MAK16: variants seen among roughly 807,000 people sequenced by gnomAD.
MAK16 encodes the protein MAK16 homolog, also known as protein MAK16 homolog.
Under a neutral mutation model 49.9 loss-of-function variants are expected in MAK16, and 12 were observed. The observed-to-expected ratio is 0.24, with a 90% CI of 0.15 to 0.39. The LOEUF is 0.39. Ranked by LOEUF, MAK16 falls within the 10% of genes least tolerant of loss-of-function variation. MAK16 has a pLI of 1.00. For missense variants in MAK16, 292 were observed against 363.7 expected (o/e 0.80, Z 1.60); for synonymous variants, 115 against 126.4 (o/e 0.91, Z 0.60).
Position 33,499,093 on chromosome 8 carries a change from T to C in MAK16, c.*464T>C, listed in dbSNP as rs532959690. ...ACTTACAAAGTTTCGTGTAAAAATA[T>C]CTTTTTTTCTTAAATAACTCCATTC... On this transcript the variant is annotated 3_prime_UTR_variant, in exon 10 of 10. Coordinates refer to ENST00000360128, the MANE Select transcript of MAK16 (RefSeq NM_032509.4). The C allele has an allele frequency of 4.1e-5, 50 of 1,211,884 alleles. No homozygotes were observed. In the African/African-American group the frequency reaches 6.4e-4, roughly 16 times the overall value. The allele number at this position is 1,211,884 out of a possible 1,614,324, so 75.1% of individuals were successfully genotyped here. A position where few individuals can be genotyped will look rare whatever the true frequency, so the allele number is the denominator to read the frequency against.
Position 33,500,643 on chromosome 8 carries a change from G to T in MAK16, c.*2014G>T. The stretch of plus-strand genomic sequence containing the variant: ...AAAAAGACCTAAAAACAGAACCAAA[G>T]ACAGCCTCTAGATTTCTTACCCTCA... On this transcript the variant is annotated 3_prime_UTR_variant, in exon 10 of 10. Coordinates refer to ENST00000360128, the MANE Select transcript of MAK16 (RefSeq NM_032509.4). 1.1e-6 allele frequency: 1 copy of T among 924,844 alleles called. No homozygotes were observed. The highest frequency in any genetic ancestry group is 1.6e-6 in the Non-Finnish European group (1 of 631,726). The allele number at this position is 924,844 out of a possible 1,614,324, so 57.3% of individuals were successfully genotyped here. A position where few individuals can be genotyped will look rare whatever the true frequency, so the allele number is the denominator to read the frequency against.
chr8:33,499,581 C>T lies in MAK16; in HGVS notation c.*952C>T, dbSNP rs1808988702. 7.1e-6 allele frequency: 2 copies of T among 280,672 alleles called. No individual in the cohort carries two copies. The highest frequency in any genetic ancestry group is 8.0e-5 in the East Asian group (1 of 12,566). 17.4% of individuals were successfully genotyped at this position (280,672 alleles called of 1,614,324 possible). ...AGTTGGATCTAGGGCTTGAAAACTG[C>T]CCAAGATTAAAGAGCTAAGATGAAA... is the stretch of plus-strand genomic sequence containing the variant. On this transcript the variant is annotated 3_prime_UTR_variant, in exon 10 of 10. Transcript: ENST00000360128.
rs1455004858 is a variant in MAK16 at position 33,489,248 on chromosome 8, T to C, written c.392+109T>C. 38 of 941,004 alleles carry C rather than the reference T, an allele frequency of 4.0e-5. No homozygotes were observed. The highest frequency in any genetic ancestry group is 5.7e-5 in the Non-Finnish European group (36 of 630,772). The allele number at this position is 941,004 out of a possible 1,614,324, so 58.3% of individuals were successfully genotyped here. On this transcript the variant is annotated intron_variant, in intron 5 of 9. Transcript: ENST00000360128. The surrounding 1 kb of genome is among the most constrained non-coding windows in gnomAD (Gnocchi z 4.2). ...GCTTTCTATTCAACTTTGTGGAGTC[T>C]GTTATGATGTACTAAAGAGAAACTT...
At chr8:33,497,348 A>G in intron 9 of MAK16, 51 bp downstream of exon 9, 3 of 1,278,930 alleles carry the variant, frequency 2.3e-6, no homozygotes, top group Non-Finnish European at 2.2e-6. Flanking sequence ...CAAAAAAAAA[A>G]AAAAAACAAA....
At position 33,501,138 on chromosome 8, in the gene MAK16, T is replaced by C. The variant is rs1809061398; in HGVS notation, c.*2509T>C. 6.6e-6 allele frequency: 1 copy of C among 152,200 alleles called. No homozygotes were observed. Among genetic ancestry groups the C allele is most frequent in the Non-Finnish European group, 1.5e-5 (1 of 68,038 alleles). The allele number at this position is 152,200 out of a possible 1,614,324, so 9.4% of individuals were successfully genotyped here. On this transcript the variant is annotated 3_prime_UTR_variant, in exon 10 of 10. Coordinates refer to ENST00000360128, the MANE Select transcript of MAK16 (RefSeq NM_032509.4). Reference sequence around the variant, plus strand: ...ACTGTACACTTTAAAATGGAAAATTTATATGTATTTTTACCACAATAAACA... The same window carrying C: ...ACTGTACACTTTAAAATGGAAAATTCATATGTATTTTTACCACAATAAACA...
intron 6 of MAK16, among the ~76,000 whole-genome samples, chr8:33,493,620 T>A (rs1808811413): frequency 6.6e-6 from 1 of 152,204 alleles, no homozygotes; most frequent in Admixed American, 6.5e-5. Flanking sequence ...CTTTAATTTT[T>A]CATTATGCTC....
rs7848 is a variant in MAK16, at chr8:33,501,212, C to T, written c.*2583C>T. On this transcript the variant is annotated 3_prime_UTR_variant, in exon 10 of 10. Transcript: ENST00000360128. Reference sequence around the variant, plus strand: ...GAAAGGTGGAAAATAATTTAACTTACAATGTGAAAATACAATGTGAAATGT... The same window carrying T: ...GAAAGGTGGAAAATAATTTAACTTATAATGTGAAAATACAATGTGAAATGT... 0.64 allele frequency: 97,947 copies of T among 152,018 alleles called. 31,915 individuals carry two copies. The highest frequency in any genetic ancestry group is 0.71 in the African/African-American group (29,404 of 41,466). The allele number at this position is 152,018 out of a possible 1,614,324, so 9.4% of individuals were successfully genotyped here.
chr8:33,487,982 G>T (rs529823983), intron 1 of MAK16, among the ~76,000 whole-genome samples: 3 of 152,126 alleles, frequency 2.0e-5, no homozygotes, highest in Non-Finnish European at 1.5e-5. Flanking sequence ...AGGCTGGAGC[G>T]CAATGGCACA....
intron 6 of MAK16, among the ~76,000 whole-genome samples, chr8:33,494,277 G>C (rs751784424): frequency 1.3e-5 from 2 of 152,096 alleles, no homozygotes; most frequent in African/African-American, 2.4e-5. Flanking sequence ...GTTTCACGAC[G>C]TTTGTCAGGC....
At chr8:33,492,865 T>G (rs1420566057) in intron 6 of MAK16, among the ~76,000 whole-genome samples, 1 of 151,064 alleles carries the variant, frequency 6.6e-6, no homozygotes, top group East Asian at 1.9e-4. Flanking sequence ...TTTTTTGTTG[T>G]TTTTTTTTGT....
Position 33,498,671 on chromosome 8 carries a change from C to CGGT in MAK16, c.*42_*43insGGT, listed in dbSNP as rs1554525992. 2 of 1,155,712 alleles carry CGGT rather than the reference C, an allele frequency of 1.7e-6. No individual in the cohort carries two copies. The highest frequency in any genetic ancestry group is 2.1e-5 in the African/African-American group (1 of 47,762). 71.6% of individuals were successfully genotyped at this position (1,155,712 alleles called of 1,614,324 possible). A position where few individuals can be genotyped will look rare whatever the true frequency, so the allele number is the denominator to read the frequency against. On this transcript the variant is annotated 3_prime_UTR_variant, in exon 10 of 10. Coordinates refer to ENST00000360128, the MANE Select transcript of MAK16 (RefSeq NM_032509.4). ...TATACCCAGGACTGAACATGCAGAA[C>CGGT]TGTTTTTTTTTTTTTTTTATCTTAA...
In MAK16 at chr8:33,500,648, C is replaced by G. The variant is rs1415158446; in HGVS notation, c.*2019C>G. 1.3e-6 allele frequency: 1 copy of G among 793,024 alleles called. No homozygotes were observed. The highest frequency in any genetic ancestry group is 1.9e-6 in the Non-Finnish European group (1 of 517,538). 49.1% of individuals were successfully genotyped at this position (793,024 alleles called of 1,614,324 possible). A position where few individuals can be genotyped will look rare whatever the true frequency, so the allele number is the denominator to read the frequency against. Reference sequence around the variant, plus strand: ...GACCTAAAAACAGAACCAAAGACAGCCTCTAGATTTCTTACCCTCAAGTCT... The same window carrying G: ...GACCTAAAAACAGAACCAAAGACAGGCTCTAGATTTCTTACCCTCAAGTCT... On this transcript the variant is annotated 3_prime_UTR_variant, in exon 10 of 10. Transcript: ENST00000360128.
intron 6 of MAK16, among the ~76,000 whole-genome samples, chr8:33,494,830 G>A (rs2732276): frequency 0.022 from 3,374 of 151,872 alleles, 61 homozygotes; most frequent in East Asian, 0.079. Context: ...CCAGGCTGGA[G>A]TGCAGTGGCG....
chr8:33,498,668 G>A lies in MAK16; in HGVS notation c.*39G>A. 1.6e-6 allele frequency: 2 copies of A among 1,246,504 alleles called. No homozygotes were observed. Among genetic ancestry groups the A allele is most frequent in the Non-Finnish European group, 2.2e-6 (2 of 892,656 alleles). The allele number at this position is 1,246,504 out of a possible 1,614,324, so 77.2% of individuals were successfully genotyped here. On this transcript the variant is annotated 3_prime_UTR_variant, in exon 10 of 10. Coordinates refer to ENST00000360128, the MANE Select transcript of MAK16 (RefSeq NM_032509.4). Reference sequence around the variant, plus strand: ...ATTTATACCCAGGACTGAACATGCAGAACTGTTTTTTTTTTTTTTTTATCT... The same window carrying A: ...ATTTATACCCAGGACTGAACATGCAAAACTGTTTTTTTTTTTTTTTTATCT...
chr8:33,500,306 A>AC lies in MAK16; in HGVS notation c.*1679dup. ...ATAAGGATAATGAGGCCCAACTGAAACCAAGTTTCAGTCTGCCTTACCTTT... is the reference window on the plus strand; with the variant it reads ...ATAAGGATAATGAGGCCCAACTGAAACCCAAGTTTCAGTCTGCCTTACCTTT... On this transcript the variant is annotated 3_prime_UTR_variant, in exon 10 of 10. Coordinates refer to ENST00000360128, the MANE Select transcript of MAK16 (RefSeq NM_032509.4). 1 of 1,613,958 alleles carries AC rather than the reference A, an allele frequency of 6.2e-7. No individual in the cohort carries two copies. The highest frequency in any genetic ancestry group is 8.5e-7 in the Non-Finnish European group (1 of 1,179,918).
chr8:33,500,397 C>T lies in MAK16; in HGVS notation c.*1768C>T. On this transcript the variant is annotated 3_prime_UTR_variant, in exon 10 of 10. Transcript: ENST00000360128. ...CTGTGGCCTCCTGTAGCAGGGCGCTCTTAACAGACTCAGGTGTAAGGTTTG... is the reference window on the plus strand; with the variant it reads ...CTGTGGCCTCCTGTAGCAGGGCGCTTTTAACAGACTCAGGTGTAAGGTTTG... 1.2e-6 allele frequency: 2 copies of T among 1,614,142 alleles called. No individual in the cohort carries two copies. Among genetic ancestry groups the T allele is most frequent in the African/African-American group, 2.7e-5 (2 of 75,024 alleles).
intron 6 of MAK16, among the ~76,000 whole-genome samples, chr8:33,490,754 C>T (rs1208990232): frequency 1.3e-5 from 2 of 152,130 alleles, no homozygotes; most frequent in African/African-American, 2.4e-5. Context: ...ATTGGGTATC[C>T]GTCCCCTCAA....
chr8:33,488,436 C>G lies in MAK16; in HGVS notation c.65+9C>G, dbSNP rs781260617. On this transcript the variant is annotated intron_variant, in intron 2 of 9. Coordinates refer to ENST00000360128, the MANE Select transcript of MAK16 (RefSeq NM_032509.4). ...TGTTCCTTCAAAATAAGGTGAGTCT[C>G]AATTTACAACTTGGTCAAAGATTCC... The G allele has an allele frequency of 2.0e-5, 33 of 1,614,148 alleles. No homozygotes were observed. Among genetic ancestry groups the G allele is most frequent in the Non-Finnish European group, 2.7e-5 (32 of 1,179,986 alleles).
intron 3 of MAK16, 48 bp from the exon 4 acceptor site, chr8:33,488,686 T>G (rs1808724930): frequency 1.2e-6 from 2 of 1,610,700 alleles, no homozygotes; most frequent in Middle Eastern, 1.6e-4. Context: ...ACAGGGATGT[T>G]CTTTAGTTTC....
Sources: allele counts gnomAD v4.1 joint callset (sites outside exome capture counted in the v4.1 genomes callset), GRCh38; gene constraint gnomAD v4.1.1; non-coding constraint Gnocchi (gnomAD v3.1); transcripts MANE v1.5; gene names NCBI Gene and HGNC (gene_info 2026-07-23, HGNC 2026-07-21).